The following SHROOM4 variants were observed in gnomAD, a reference collection of about 807,000 sequenced individuals.
The protein encoded by SHROOM4 is shroom family member 4.
In SHROOM4, 17 loss-of-function variants were observed where a neutral mutation model predicts 80.3. The ratio of observed to expected loss-of-function variants is 0.21; its 90% confidence interval spans 0.14 to 0.32. The LOEUF (loss-of-function observed/expected upper bound fraction) is 0.32. Among genes scored for constraint, SHROOM4 ranks in the 10% least tolerant of loss-of-function variants. The pLI is 1.00. For synonymous variants in SHROOM4, 400 were observed against 437.5 expected (o/e 0.91, Z 1.07); for missense variants, 993 against 1,140.3 (o/e 0.87, Z 1.86).
intron 1 of SHROOM4, among the ~76,000 whole-genome samples, chrX:50,791,604 T>TG (rs1935853827): frequency 1.0e-5 from 1 of 97,888 alleles, no homozygotes; most frequent in Non-Finnish European, 2.0e-5. Context: ...TTTTTTTTTT[T>TG]GTAGAAACAA....
the SHROOM4 span, among the ~76,000 whole-genome samples, chrX:50,578,722 G>A: frequency 2.7e-5 from 3 of 112,168 alleles, no homozygotes; most frequent in Non-Finnish European, 5.6e-5. Context: ...TTACAGGCAT[G>A]AGCCCCTGTG....
chrX:50,598,829 C>T (rs1434192996), intron 7 of SHROOM4, among the ~76,000 whole-genome samples: 2 of 110,905 alleles, frequency 1.8e-5, no homozygotes, highest in African/African-American at 6.6e-5. Context: ...CTTGCTGGCA[C>T]TTTGTTTTTT....
At chrX:50,710,283 G>A (rs184650519) in intron 1 of SHROOM4, among the ~76,000 whole-genome samples, 11 of 111,768 alleles carry the variant, frequency 9.8e-5, no homozygotes, top group Non-Finnish European at 1.3e-4. Flanking sequence ...ATCAGTGGTG[G>A]GTCAGATAAA....
At chrX:50,644,627 A>C (rs1353299022) in intron 2 of SHROOM4, among the ~76,000 whole-genome samples, 1 of 112,158 alleles carries the variant, frequency 8.9e-6, no homozygotes, top group African/African-American at 3.2e-5. Context: ...AATTCCAGTA[A>C]TTTCTGGCTC....
chrX:50,747,585 G>A lies in SHROOM4; in HGVS notation c.118-51648C>T, dbSNP rs185184651. 3.9e-3 allele frequency among the ~76,000 whole-genome samples: 441 copies of A among 112,289 alleles called. 2 individuals carry two copies. Among genetic ancestry groups the A allele is most frequent in the African/African-American group, 0.013 (403 of 30,977 alleles). The stretch of plus-strand genomic sequence containing the variant: ...CAGTTATGCTGTGTCAGAAATTGGC[G>A]AAGATGCTTACTGCAATATTTTTAC... On this transcript the variant is annotated intron_variant, in intron 1 of 8. Transcript: ENST00000376020.
intron 1 of SHROOM4, among the ~76,000 whole-genome samples, chrX:50,757,641 G>A (rs1458060060): frequency 9.0e-6 from 1 of 111,085 alleles, no homozygotes; most frequent in Non-Finnish European, 1.9e-5. Flanking sequence ...TGGCCAACAT[G>A]GTGAAACCCA....
At chrX:50,732,218 C>T (rs184226899) in intron 1 of SHROOM4, among the ~76,000 whole-genome samples, 197 of 111,559 alleles carry the variant, frequency 1.8e-3, no homozygotes, top group African/African-American at 5.9e-3. Context: ...TGTGGGCACA[C>T]CCAAAGTTGT....
chrX:50,723,385 C>G (rs1387604838), intron 1 of SHROOM4, among the ~76,000 whole-genome samples: 110 of 6,075 alleles, frequency 0.018, no homozygotes, highest in East Asian at 0.026. Context: ...AGGGAGGGAG[C>G]AAGGGAGGGA....
intron 1 of SHROOM4, among the ~76,000 whole-genome samples, chrX:50,726,539 T>G (rs187395296): frequency 8.9e-6 from 1 of 112,442 alleles, no homozygotes; most frequent in African/African-American, 3.2e-5. Flanking sequence ...CACTGCATTG[T>G]GCAGCCTCAG....
chrX:50,734,500 G>A (rs782137139), intron 1 of SHROOM4, among the ~76,000 whole-genome samples: 1 of 111,053 alleles, frequency 9.0e-6, no homozygotes, highest in African/African-American at 3.3e-5. Flanking sequence ...TGCAACCTCT[G>A]CCTCCTGGGT....
At chrX:50,810,952 A>G (rs1557273393) in intron 1 of SHROOM4, among the ~76,000 whole-genome samples, 1 of 111,842 alleles carries the variant, frequency 8.9e-6, no homozygotes, top group African/African-American at 3.3e-5. Flanking sequence ...ATGCAAATGA[A>G]GCAAAGCTTC....
intron 2 of SHROOM4, among the ~76,000 whole-genome samples, chrX:50,659,724 CTG>C (rs1932430702): frequency 9.0e-6 from 1 of 111,475 alleles, no homozygotes; most frequent in Non-Finnish European, 1.9e-5. Context: ...TAGAACAAGA[CTG>C]TCTGTATTTG....
At chrX:50,789,618 T>G (rs781909963) in intron 1 of SHROOM4, among the ~76,000 whole-genome samples, 2 of 111,270 alleles carry the variant, frequency 1.8e-5, no homozygotes, top group Non-Finnish European at 3.8e-5. Context: ...AATCCCAAAG[T>G]TACTTGAAGG....
chrX:50,594,906 C>T lies in SHROOM4; in HGVS notation c.*1789G>A, dbSNP rs997598014. 3 of 112,231 alleles carry T rather than the reference C, an allele frequency of 2.7e-5. No homozygotes were observed. Among genetic ancestry groups the T allele is most frequent in the Non-Finnish European group, 3.8e-5 (2 of 53,166 alleles). 9.2% of individuals were successfully genotyped at this position (112,231 alleles called of 1,213,427 possible). On this transcript the variant is annotated 3_prime_UTR_variant, in exon 9 of 9. Coordinates refer to ENST00000376020, the MANE Select transcript of SHROOM4 (RefSeq NM_020717.5). Reference sequence around the variant, plus strand: ...GCTCCACAGAAAGGCTTACCCCACCCCCTACCCCAGGACACCCTGCTGGCC... The same window carrying T: ...GCTCCACAGAAAGGCTTACCCCACCTCCTACCCCAGGACACCCTGCTGGCC...
intron 2 of SHROOM4, among the ~76,000 whole-genome samples, chrX:50,645,378 T>C (rs902929146): frequency 8.9e-6 from 1 of 112,270 alleles, no homozygotes; most frequent in African/African-American, 3.2e-5. Flanking sequence ...GCCCAGCCCA[T>C]GCAAACGCTT....
At chrX:50,620,782 C>G (rs1164586816) in intron 5 of SHROOM4, among the ~76,000 whole-genome samples, 1 of 111,746 alleles carries the variant, frequency 8.9e-6, no homozygotes, top group African/African-American at 3.3e-5. Context: ...CTTTTCCATG[C>G]AATGATTTTA....
At chrX:50,585,640 A>T (rs1308440638), downstream of SHROOM4, among the ~76,000 whole-genome samples, 1 of 111,400 alleles carries the variant, frequency 9.0e-6, no homozygotes, top group Admixed American at 9.5e-5. Flanking sequence ...TTATGCAGCT[A>T]GGCAGGGTGT....
chrX:50,789,339 C>G (rs1364747122), intron 1 of SHROOM4, among the ~76,000 whole-genome samples: 1 of 110,700 alleles, frequency 9.0e-6, no homozygotes, highest in African/African-American at 3.3e-5. Flanking sequence ...AAATCAATAT[C>G]AGAAAAAAAA....
intron 2 of SHROOM4, among the ~76,000 whole-genome samples, chrX:50,694,925 T>C (rs782513355): frequency 9.4e-6 from 1 of 106,230 alleles, no homozygotes; most frequent in East Asian, 3.0e-4. Context: ...TAGGTGTGTA[T>C]ATACGATAAA....
Sources: gnomAD v4.1 joint callset for allele counts (sites outside exome capture counted in the v4.1 genomes callset) on GRCh38, gnomAD v4.1.1 for gene constraint, MANE v1.5 for transcripts, NCBI Gene and HGNC (gene_info 2026-07-23, HGNC 2026-07-21) for gene names.